NFIB: variants seen among roughly 807,000 people sequenced by gnomAD.
NFIB encodes the protein nuclear factor 1 B-type.
NFIB carries 11 observed loss-of-function variants against 61.5 expected under a neutral mutation model. The observed-to-expected ratio is 0.18, with a 90% CI of 0.11 to 0.30. The LOEUF is 0.30. NFIB is among the 10% of genes least tolerant of loss of function. NFIB has a pLI of 1.00. For synonymous variants in NFIB, 260 were observed against 216.5 expected (o/e 1.20, Z -1.76); for missense variants, 471 against 608.9 (o/e 0.77, Z 2.38).
Position 14,119,916 on chromosome 9 carries a change from G to A in NFIB, c.1245+524C>T, listed in dbSNP as rs146588938. ...TCCAAAAAAAAGAAAGACGCTTCTA[G>A]TAATGTCACTCATTATTAAATGTAA... On this transcript the variant is annotated intron_variant, in intron 8 of 10. Coordinates refer to ENST00000380953, the MANE Select transcript of NFIB (RefSeq NM_001190737.2). Among the ~76,000 whole-genome samples, 18 of 152,296 alleles carry A rather than the reference G, an allele frequency of 1.2e-4. No homozygotes were observed. The East Asian group carries it at 2.3e-3, about 20-fold the overall frequency.
At chr9:14,480,626 T>C in the NFIB span, among the ~76,000 whole-genome samples, 15 of 152,184 alleles carry the variant, frequency 9.9e-5, no homozygotes, top group Non-Finnish European at 2.2e-4. Context: ...CAGCTTAACA[T>C]AAGCTTGTAC....
At chr9:14,160,490 G>C (rs1563848582) in intron 3 of NFIB, among the ~76,000 whole-genome samples, 1 of 152,054 alleles carries the variant, frequency 6.6e-6, no homozygotes, top group Non-Finnish European at 1.5e-5. Context: ...CCGTCTTCAA[G>C]TATTCGAAGG....
chr9:14,189,745 T>C (rs963071363), intron 2 of NFIB, among the ~76,000 whole-genome samples: 1 of 150,148 alleles, frequency 6.7e-6, no homozygotes, highest in African/African-American at 2.5e-5. Flanking sequence ...TCTTATTCAC[T>C]GCCCTAGCAT....
At chr9:14,448,363 A>G in the NFIB span, among the ~76,000 whole-genome samples, 1 of 152,218 alleles carries the variant, frequency 6.6e-6, no homozygotes, top group Non-Finnish European at 1.5e-5. Context: ...ATTGGCTGAA[A>G]TAAGGAACTA....
At chr9:14,531,636 C>G in the NFIB span, among the ~76,000 whole-genome samples, 1 of 151,126 alleles carries the variant, frequency 6.6e-6, no homozygotes, top group Non-Finnish European at 1.5e-5. Flanking sequence ...CCACCTCCAT[C>G]TATTTCACAG....
At chr9:14,210,824 T>TA (rs2050230896) in intron 2 of NFIB, among the ~76,000 whole-genome samples, 1 of 152,176 alleles carries the variant, frequency 6.6e-6, no homozygotes, top group South Asian at 2.1e-4. Context: ...CACTGAGTCC[T>TA]AAAAAAACTT....
chr9:14,309,773 A>G (rs574489892), intron 1 of NFIB, among the ~76,000 whole-genome samples: 4 of 152,332 alleles, frequency 2.6e-5, no homozygotes, highest in African/African-American at 9.6e-5. Context: ...ATGTGGACTT[A>G]AATGTGCTTT....
intron 1 of NFIB, among the ~76,000 whole-genome samples, chr9:14,375,872 A>G (rs16931636): frequency 0.018 from 2,768 of 152,262 alleles, 103 homozygotes; most frequent in African/African-American, 0.063. Flanking sequence ...ATACTCACAT[A>G]TAACATCCTT....
intron 10 of NFIB, among the ~76,000 whole-genome samples, chr9:14,098,735 C>G (rs1288914718): frequency 6.6e-6 from 1 of 152,226 alleles, no homozygotes; most frequent in Admixed American, 6.5e-5. Context: ...GGGTTAACTG[C>G]AGTTCCTGAC....
At chr9:14,526,273 G>A in the NFIB span, among the ~76,000 whole-genome samples, 1 of 152,052 alleles carries the variant, frequency 6.6e-6, no homozygotes, top group Non-Finnish European at 1.5e-5. Context: ...ATTGAGAAAT[G>A]GAAATTGTTA....
chr9:14,329,201 T>A (rs145960061), intron 1 of NFIB, among the ~76,000 whole-genome samples: 2 of 152,318 alleles, frequency 1.3e-5, no homozygotes, highest in Non-Finnish European at 2.9e-5. Flanking sequence ...TAAAGTGACT[T>A]ACTTATGGCT....
At chr9:14,186,518 C>T (rs908250770) in intron 2 of NFIB, among the ~76,000 whole-genome samples, 5 of 151,850 alleles carry the variant, frequency 3.3e-5, no homozygotes, top group Admixed American at 6.6e-5. Flanking sequence ...AAAAGCTTGA[C>T]GGAAGGAATA....
At chr9:14,244,245 T>C (rs1231590336) in intron 2 of NFIB, among the ~76,000 whole-genome samples, 1 of 152,202 alleles carries the variant, frequency 6.6e-6, no homozygotes, top group Non-Finnish European at 1.5e-5. Context: ...CTCTATTATA[T>C]AAAAATTCAG....
the NFIB span, among the ~76,000 whole-genome samples, chr9:14,422,278 C>T: frequency 0.39 from 58,971 of 152,032 alleles, 12,765 homozygotes; most frequent in Admixed American, 0.54. Flanking sequence ...TGGTTATTGG[C>T]CACTTTTACT....
At chr9:14,264,686 T>C (rs2057054078) in intron 2 of NFIB, among the ~76,000 whole-genome samples, 1 of 151,746 alleles carries the variant, frequency 6.6e-6, no homozygotes, top group African/African-American at 2.4e-5. Flanking sequence ...TCTGTTCTTA[T>C]TTTCAACAGA....
intron 6 of NFIB, among the ~76,000 whole-genome samples, chr9:14,138,013 T>A (rs1415316162): frequency 3.3e-5 from 5 of 152,142 alleles, no homozygotes; most frequent in Non-Finnish European, 1.5e-5. Context: ...AATATCTCAA[T>A]GACTTATTTG....
chr9:14,470,737 A>G, the NFIB span, among the ~76,000 whole-genome samples: 4 of 152,190 alleles, frequency 2.6e-5, no homozygotes, highest in African/African-American at 7.2e-5. Context: ...ATGAACTCTG[A>G]TTTCTGCCGA....
intron 10 of NFIB, among the ~76,000 whole-genome samples, chr9:14,099,336 C>T (rs2035366686): frequency 6.6e-6 from 1 of 152,138 alleles, no homozygotes; most frequent in Admixed American, 6.5e-5. Context: ...TAAATATTTT[C>T]AACTTATTCA....
intron 1 of NFIB, among the ~76,000 whole-genome samples, chr9:14,333,095 C>A (rs1024944382): frequency 6.6e-6 from 1 of 152,172 alleles, no homozygotes; most frequent in African/African-American, 2.4e-5. Context: ...TCTGGAACCA[C>A]CTTGGTCTCT....
Sources: gnomAD v4.1 joint callset for allele counts (sites outside exome capture counted in the v4.1 genomes callset) on GRCh38, gnomAD v4.1.1 for gene constraint, MANE v1.5 for transcripts, NCBI Gene and HGNC (gene_info 2026-07-23, HGNC 2026-07-21) for gene names.